Variants in ZNF70 observed in about 807,000 individuals in gnomAD.
ZNF70 encodes the protein zinc finger protein 70, also known as zinc finger protein N27C7-1.
In ZNF70, 18 loss-of-function variants were observed where a neutral mutation model predicts 37.7. The ratio of observed to expected loss-of-function variants is 0.48; its 90% CI spans 0.33 to 0.71. ZNF70 has a LOEUF of 0.71. ZNF70 is among the 30% of genes least tolerant of loss of function. ZNF70 has a pLI of 0.02. For missense variants in ZNF70, 506 were observed against 568.6 expected (o/e 0.89, Z 1.12); for synonymous variants, 219 against 220.1 (o/e 0.99, Z 0.05).
At chr22:23,746,301 A>G (rs1925121856) in intron 1 of ZNF70, among the ~76,000 whole-genome samples, 1 of 143,646 alleles carries the variant, frequency 7.0e-6, no homozygotes, top group Admixed American at 7.2e-5. Flanking sequence ...CTGCCTTCCA[A>G]CTTCAAGTGA....
intron 1 of ZNF70, among the ~76,000 whole-genome samples, chr22:23,749,876 T>C (rs1925266610): frequency 6.6e-6 from 1 of 152,124 alleles, no homozygotes; most frequent in Admixed American, 6.5e-5. Context: ...CCATTTTTAC[T>C]GTAGTTCTCC....
chr22:23,743,845 C>G lies in ZNF70; in HGVS notation c.1296G>C (p.Ser432=). The G allele has an allele frequency of 1.2e-6, 2 of 1,614,166 alleles. No individual in the cohort carries two copies. The highest frequency in any genetic ancestry group is 1.7e-6 in the Non-Finnish European group (2 of 1,180,012). The change falls in exon 2 of 2, where the codon TCG becomes TCC. Residue 432 remains serine, a synonymous_variant. Coordinates refer to ENST00000341976, the MANE Select transcript of ZNF70 (RefSeq NM_021916.4). ...NLCGKSFRGS[S]HLIRHQKIHS... is the part of the protein sequence containing the mutation. ...GAATCTTCTGATGGCGAATCAGGTG[C>G]GAGCTCCCCCGGAAGGACTTGCCGC...
intron 1 of ZNF70, among the ~76,000 whole-genome samples, chr22:23,745,845 C>T (rs530000115): frequency 1.3e-5 from 2 of 152,296 alleles, no homozygotes; most frequent in African/African-American, 2.4e-5. Flanking sequence ...ACTCCAGCTA[C>T]TGGGTGACAT....
chr22:23,739,162 A>G lies in ZNF70; in HGVS notation c.*4638T>C, dbSNP rs1250988146. 3 of 152,228 alleles carry G rather than the reference A, an allele frequency of 2.0e-5. No homozygotes were observed. Among genetic ancestry groups the G allele is most frequent in the Non-Finnish European group, 2.9e-5 (2 of 68,046 alleles). The allele number at this position is 152,228 out of a possible 1,614,324, so 9.4% of individuals were successfully genotyped here. ...AGATTACACAAATGCTTTTATAAAA[A>G]CTGATAATATATTCAGGCCCAAAGA... is the stretch of plus-strand genomic sequence containing the variant. On this transcript the variant is annotated 3_prime_UTR_variant, in exon 2 of 2. Coordinates refer to ENST00000341976, the MANE Select transcript of ZNF70 (RefSeq NM_021916.4).
In ZNF70 at chr22:23,744,095, G is replaced by A. The variant is rs374934186; in HGVS notation, c.1046C>T (p.Ser349Phe). ...QKCGKAFSQS[S>F]SLIEHQRIHT... is the part of the protein sequence containing the mutation. The stretch of plus-strand genomic sequence containing the variant: ...GATGCGCTGGTGCTCAATGAGGGAG[G>A]AGCTCTGGCTGAAGGCTTTCCCACA... The change falls in exon 2 of 2, where the codon TCC becomes TTC. Residue 349 changes from serine to phenylalanine, a missense_variant. Ser to Phe is a radical substitution (Grantham distance 155). Coordinates refer to ENST00000341976, the MANE Select transcript of ZNF70 (RefSeq NM_021916.4). The A allele has an allele frequency of 6.2e-7, 1 of 1,614,110 alleles. No individual in the cohort carries two copies. The highest frequency in any genetic ancestry group is 8.5e-7 in the Non-Finnish European group (1 of 1,180,024).
Position 23,744,546 on chromosome 22 carries a change from G to T in ZNF70, c.595C>A (p.Arg199=). ...TGGCGGAAGGCCTTCCCACACTCCC[G>T]GCACTCGTAGGGCTTCTCCCCGGTG... ...IHTGEKPYEC[R]ECGKAFRQSS... Residue 199 remains arginine, a synonymous_variant, in exon 2 of 2, where the codon CGG becomes AGG. Transcript: ENST00000341976. The T allele has an allele frequency of 6.2e-7, 1 of 1,606,434 alleles. No individual in the cohort carries two copies. Among genetic ancestry groups the T allele is most frequent in the South Asian group, 1.1e-5 (1 of 89,492 alleles).
In ZNF70 at chr22:23,741,263, A is replaced by T. The variant is rs1298051368; in HGVS notation, c.*2537T>A. 1 of 152,180 alleles carries T rather than the reference A, an allele frequency of 6.6e-6. No homozygotes were observed. Among genetic ancestry groups the T allele is most frequent in the African/African-American group, 2.4e-5 (1 of 41,424 alleles). 9.4% of individuals were successfully genotyped at this position (152,180 alleles called of 1,614,324 possible). On this transcript the variant is annotated 3_prime_UTR_variant, in exon 2 of 2. Transcript: ENST00000341976. The stretch of plus-strand genomic sequence containing the variant: ...AGAGGGGCAGGTGTAAAGAGGAGGT[A>T]GATCTTTCAGGGACCCCTGCTTGAT...
intron 1 of ZNF70, among the ~76,000 whole-genome samples, chr22:23,749,090 C>T (rs1185683214): frequency 1.3e-5 from 2 of 151,202 alleles, no homozygotes; most frequent in Admixed American, 6.6e-5. Context: ...AGGCCGGACG[C>T]GGTGGCTCAC....
At chr22:23,749,639 G>C (rs929395508) in intron 1 of ZNF70, among the ~76,000 whole-genome samples, 1 of 150,936 alleles carries the variant, frequency 6.6e-6, no homozygotes, top group Non-Finnish European at 1.5e-5. Context: ...TCGCCATGTT[G>C]TGCAGACTGG....
At chr22:23,745,756 GC>G (rs1925099627) in intron 1 of ZNF70, among the ~76,000 whole-genome samples, 1 of 152,078 alleles carries the variant, frequency 6.6e-6, no homozygotes, top group South Asian at 2.1e-4. Flanking sequence ...GGGCAACAAA[GC>G]GAGACTCTAT....
Position 23,744,540 on chromosome 22 carries a change from A to T in ZNF70, c.601T>A (p.Cys201Ser). ...TGEKPYECRE[C>S]GKAFRQSSAL... ...GAGCTCTGGCGGAAGGCCTTCCCAC[A>T]CTCCCGGCACTCGTAGGGCTTCTCC... Residue 201 changes from cysteine (C) to serine (S), a missense_variant, in exon 2 of 2, where the codon TGT becomes AGT. Transcript: ENST00000341976. 1 of 1,613,096 alleles carries T rather than the reference A, an allele frequency of 6.2e-7. No individual in the cohort carries two copies. The highest frequency in any genetic ancestry group is 8.5e-7 in the Non-Finnish European group (1 of 1,179,754).
rs759244969 is a variant in ZNF70, at chr22:23,740,756, C to CAAAAAAAAA, written c.*3035_*3043dup. 2.1e-5 allele frequency: 1 copy of CAAAAAAAAA among 48,404 alleles called. No individual in the cohort carries two copies. The highest frequency in any genetic ancestry group is 4.5e-5 in the Non-Finnish European group (1 of 22,122). The allele number at this position is 48,404 out of a possible 1,614,324, so 3.0% of individuals were successfully genotyped here. On this transcript the variant is annotated 3_prime_UTR_variant, in exon 2 of 2. Transcript: ENST00000341976. ...CCTGGGTGACAGTGAGACTCTGTCT[C>CAAAAAAAAA]AAAAAAAAAAAAAAAAAAAAAAAAA... is the stretch of plus-strand genomic sequence containing the variant.
intron 1 of ZNF70, among the ~76,000 whole-genome samples, chr22:23,745,568 A>G (rs1925093700): frequency 6.6e-6 from 1 of 152,120 alleles, no homozygotes; most frequent in South Asian, 2.1e-4. Context: ...TCAGGAGTTC[A>G]AAACCAGCCT....
At chr22:23,747,831 A>T (rs1381509369) in intron 1 of ZNF70, among the ~76,000 whole-genome samples, 1 of 152,086 alleles carries the variant, frequency 6.6e-6, no homozygotes, top group African/African-American at 2.4e-5. Context: ...CTCAAAAAAT[A>T]AATAAATAAA....
chr22:23,747,913 C>T (rs1022524096), intron 1 of ZNF70, among the ~76,000 whole-genome samples: 3 of 152,072 alleles, frequency 2.0e-5, no homozygotes, highest in Non-Finnish European at 2.9e-5. Context: ...TTAGCAGGGA[C>T]AAGGAAGGAA....
Position 23,739,878 on chromosome 22 carries a change from T to C in ZNF70, c.*3922A>G, listed in dbSNP as rs568093316. Reference sequence around the variant, plus strand: ...TTCCAAAGTGCTGGGATTACAGGTGTGAGTCACCATGCCCGGCCCACTTAG... The same window carrying C: ...TTCCAAAGTGCTGGGATTACAGGTGCGAGTCACCATGCCCGGCCCACTTAG... On this transcript the variant is annotated 3_prime_UTR_variant, in exon 2 of 2. Transcript: ENST00000341976. 1 of 151,406 alleles carries C rather than the reference T, an allele frequency of 6.6e-6. No homozygotes were observed. The highest frequency in any genetic ancestry group is 1.5e-5 in the Non-Finnish European group (1 of 67,854). 9.4% of individuals were successfully genotyped at this position (151,406 alleles called of 1,614,324 possible).
intron 1 of ZNF70, among the ~76,000 whole-genome samples, chr22:23,746,824 A>G (rs929740538): frequency 6.6e-6 from 1 of 152,026 alleles, no homozygotes; most frequent in Admixed American, 6.6e-5. Context: ...CAACACTTCT[A>G]ATTTTCCAGC....
chr22:23,747,772 C>T (rs1362337776), intron 1 of ZNF70, among the ~76,000 whole-genome samples: 1 of 152,008 alleles, frequency 6.6e-6, no homozygotes, highest in Non-Finnish European at 1.5e-5. Context: ...GCAGAGCTTG[C>T]GAGATCATGC....
rs1476984171 is a variant in ZNF70 at position 23,738,738 on chromosome 22, A to G, written c.*5062T>C. The G allele has an allele frequency of 6.6e-6, 1 of 152,212 alleles. No individual in the cohort carries two copies. Among genetic ancestry groups the G allele is most frequent in the Non-Finnish European group, 1.5e-5 (1 of 68,040 alleles). The allele number at this position is 152,212 out of a possible 1,614,324, so 9.4% of individuals were successfully genotyped here. Reference sequence around the variant, plus strand: ...TTCATACCCTGCCTATTTCTCAAAAATGACTTGAGAAAAACTGCACAACAT... The same window carrying G: ...TTCATACCCTGCCTATTTCTCAAAAGTGACTTGAGAAAAACTGCACAACAT... On this transcript the variant is annotated 3_prime_UTR_variant, in exon 2 of 2. Coordinates refer to ENST00000341976, the MANE Select transcript of ZNF70 (RefSeq NM_021916.4).
Sources: gnomAD v4.1 joint callset for allele counts (sites outside exome capture counted in the v4.1 genomes callset) on GRCh38, gnomAD v4.1.1 for gene constraint, MANE v1.5 for transcripts, NCBI Gene and HGNC (gene_info 2026-07-23, HGNC 2026-07-21) for gene names.